The following GOLGA3 variants were observed in gnomAD, a reference collection of about 807,000 sequenced individuals.
The protein encoded by GOLGA3 is golgin subfamily A member 3.
In GOLGA3, 75 loss-of-function variants were observed where a neutral mutation model predicts 169.4. That is an observed-to-expected ratio of 0.44 (90% CI 0.37 to 0.54). The LOEUF (loss-of-function observed/expected upper bound fraction) is 0.54. Ranked by LOEUF, GOLGA3 falls within the 20% of genes least tolerant of loss-of-function variation. The probability of loss-of-function intolerance (pLI) is 0.00; values close to 1 mark genes in which losing one functional copy is unlikely to be tolerated. For synonymous variants in GOLGA3, 824 were observed against 822.4 expected, an observed-to-expected ratio of 1.00 and a Z score of -0.03; for missense variants, 1,899 against 1,930.0, an observed-to-expected ratio of 0.98 and a Z score of 0.30.
At chr12:132,783,980 G>A in intron 16 of GOLGA3, 184 bp downstream of exon 16, 1 of 1,486,070 alleles carries the variant, frequency 6.7e-7, no homozygotes, top group Non-Finnish European at 8.9e-7. Flanking sequence ...CCTCCCCAGA[G>A]GGCTGGAATC....
At chr12:132,779,249 T>C (rs891608182) in intron 18 of GOLGA3, among the ~76,000 whole-genome samples, 9 of 152,050 alleles carry the variant, frequency 5.9e-5, no homozygotes, top group African/African-American at 2.2e-4. Flanking sequence ...CAGGCTAATT[T>C]TGTATTCATA....
At chr12:132,794,232 C>T (rs961200366) in intron 11 of GOLGA3, among the ~76,000 whole-genome samples, 3 of 152,006 alleles carry the variant, frequency 2.0e-5, no homozygotes, top group Admixed American at 6.6e-5. Flanking sequence ...CAGTGGCTCA[C>T]GCCTGTAATC....
chr12:132,782,244 G>A, intron 17 of GOLGA3, 52 bp downstream of exon 17: 1 of 1,437,316 alleles, frequency 7.0e-7, no homozygotes. Flanking sequence ...AGTGCGCACA[G>A]CCCCACCAAC....
rs776213062 is a variant in GOLGA3 at position 132,789,053 on chromosome 12, G to C, written c.2785C>G (p.Arg929Gly). ...TGCAAGTGTGTTTCCATCTCGTCTC[G>C]CTCCTTCTGCGCCGACTGGAGATGC... ...EGHLQSAQKE[R>G]DEMETHLQSL... The change falls in exon 13 of 24, where the codon CGA becomes GGA. Residue 929 changes from arginine to glycine, a missense_variant. Physicochemically the swap from Arg to Gly is moderately radical, Grantham distance 125. Coordinates refer to ENST00000450791, the MANE Select transcript of GOLGA3 (RefSeq NM_001389683.1). The C allele has an allele frequency of 4.7e-5, 75 of 1,589,394 alleles. No homozygotes were observed. The Admixed American group carries it at 1.3e-3, about 27-fold the overall frequency.
chr12:132,782,273 G>A (rs539934913), intron 17 of GOLGA3, 23 bp downstream of exon 17: 8 of 1,590,236 alleles, frequency 5.0e-6, no homozygotes, highest in South Asian at 2.2e-5. Flanking sequence ...CGTTGCTGGC[G>A]TGAGTTTGAC....
rs144738429 is a variant in GOLGA3, at chr12:132,827,255, T to C, written c.-184+1548A>G. Among the ~76,000 whole-genome samples, 667 of 152,256 alleles carry C rather than the reference T, an allele frequency of 4.4e-3. 2 individuals carry two copies. Among genetic ancestry groups the C allele is most frequent in the African/African-American group, 0.015 (628 of 41,542 alleles). On this transcript the variant is annotated intron_variant, in intron 1 of 23. Coordinates refer to ENST00000450791, the MANE Select transcript of GOLGA3 (RefSeq NM_001389683.1). ...AAAGAGTACCTGGTGGAGGCCACAC[T>C]AGTATCCAAAAGTAAACACAGATCT...
chr12:132,779,814 TGC>T (rs1222622426), intron 18 of GOLGA3, among the ~76,000 whole-genome samples: 1 of 84,572 alleles, frequency 1.2e-5, no homozygotes, highest in Non-Finnish European at 2.3e-5. Flanking sequence ...CACACGTGTG[TGC>T]ACACACACCA....
At chr12:132,794,827 A>G (rs1198512422) in intron 11 of GOLGA3, among the ~76,000 whole-genome samples, 1 of 152,226 alleles carries the variant, frequency 6.6e-6, no homozygotes, top group African/African-American at 2.4e-5. Context: ...CAGTGTTTGT[A>G]GTGACAGCTT....
intron 1 of GOLGA3, among the ~76,000 whole-genome samples, chr12:132,826,966 C>G (rs915964299): frequency 6.6e-6 from 1 of 152,214 alleles, no homozygotes; most frequent in Non-Finnish European, 1.5e-5. Flanking sequence ...ACTCCTGCGT[C>G]TCTAGAGAGA....
Position 132,808,109 on chromosome 12 carries a change from G to A in GOLGA3, c.960C>T (p.Tyr320=). Residue 320 remains tyrosine (Y), a synonymous_variant, in exon 5 of 24, where the codon TAC becomes TAT. Coordinates refer to ENST00000450791, the MANE Select transcript of GOLGA3 (RefSeq NM_001389683.1). ...VDGNDSDSSS[Y]SSASTRGTYG... ...AGGTCCCTCGGGTGGAGGCGCTGCT[G>A]TACGATGAGCTGTCGCTGTCATTTC... The A allele has an allele frequency of 1.2e-6, 2 of 1,602,626 alleles. No homozygotes were observed. Among genetic ancestry groups the A allele is most frequent in the South Asian group, 1.1e-5 (1 of 89,488 alleles).
chr12:132,775,785 C>G (rs1022465760), intron 21 of GOLGA3, among the ~76,000 whole-genome samples: 7 of 152,220 alleles, frequency 4.6e-5, no homozygotes, highest in Non-Finnish European at 1.0e-4. Flanking sequence ...GTAACTCAAG[C>G]CCCTCATTTA....
At chr12:132,816,009 T>C (rs1040386207) in intron 3 of GOLGA3, among the ~76,000 whole-genome samples, 1 of 152,160 alleles carries the variant, frequency 6.6e-6, no homozygotes, top group African/African-American at 2.4e-5. Context: ...CCATCTTGAC[T>C]AACACGGTGA....
Position 132,808,342 on chromosome 12 carries a change from T to C in GOLGA3, c.727A>G (p.Ile243Val), listed in dbSNP as rs1206368252. ...GTTCTGTAATCGGCCAGAGACCGGA[T>C]TTTGCTTGATTTGGAAGTTTTTTTC... ...REKKTSKSSK[I>V]RSLADYRTED... The change falls in exon 5 of 24, where the codon ATC becomes GTC. Residue 243 changes from isoleucine (I) to valine (V), a missense_variant. Physicochemically the swap from Ile to Val is conservative, Grantham distance 29. Transcript: ENST00000450791. 2 of 1,613,872 alleles carry C rather than the reference T, an allele frequency of 1.2e-6. No individual in the cohort carries two copies. The highest frequency in any genetic ancestry group is 1.7e-5 in the Admixed American group (1 of 59,980).
intron 11 of GOLGA3, among the ~76,000 whole-genome samples, chr12:132,794,834 G>A (rs769416073): frequency 6.6e-5 from 10 of 152,188 alleles, no homozygotes; most frequent in Non-Finnish European, 1.2e-4. Context: ...TGTAGTGACA[G>A]CTTCCTTCAG....
At chr12:132,824,656 T>G (rs977758357) in intron 1 of GOLGA3, among the ~76,000 whole-genome samples, 2 of 152,206 alleles carry the variant, frequency 1.3e-5, no homozygotes, top group Non-Finnish European at 2.9e-5. Flanking sequence ...GCTAATCCTG[T>G]GTGCAACGAA....
intron 9 of GOLGA3, among the ~76,000 whole-genome samples, 184 bp downstream of exon 9, chr12:132,798,156 C>G (rs1198493371): frequency 9.9e-6 from 1 of 100,666 alleles, no homozygotes; most frequent in South Asian, 3.7e-4. Context: ...CATGCTAAGC[C>G]CCCACAGGTG....
Position 132,777,078 on chromosome 12 carries a change from C to T in GOLGA3, c.3735G>A (p.Gly1245=), listed in dbSNP as rs1207911127. 1 of 1,595,694 alleles carries T rather than the reference C, an allele frequency of 6.3e-7. No homozygotes were observed. Among genetic ancestry groups the T allele is most frequent in the East Asian group, 2.2e-5 (1 of 44,708 alleles). ...ACTGTGCTATCTCCTGGGAATGTTT[C>T]CCCTCCCGAATCCTAGCGTAAAAAA... ...AEADDLQIRE[G]KHSQEIAQFQ... Residue 1245 remains glycine (G), a synonymous_variant, in exon 20 of 24, where the codon GGG becomes GGA. Coordinates refer to ENST00000450791, the MANE Select transcript of GOLGA3 (RefSeq NM_001389683.1). This position sits in a 1 kb window ranked among gnomAD's most constrained non-coding sequence, Gnocchi z 4.7.
At chr12:132,812,288 G>A (rs1385118998) in intron 4 of GOLGA3, among the ~76,000 whole-genome samples, 3 of 151,846 alleles carry the variant, frequency 2.0e-5, no homozygotes, top group African/African-American at 7.3e-5. Flanking sequence ...GATGGGAGAT[G>A]TACAAGGAGG....
At chr12:132,822,491 C>A (rs1950258923) in intron 1 of GOLGA3, among the ~76,000 whole-genome samples, 180 bp from the exon 2 acceptor site, 1 of 152,254 alleles carries the variant, frequency 6.6e-6, no homozygotes, top group African/African-American at 2.4e-5. Flanking sequence ...GATGCTGACC[C>A]AGCCACACTG....
Sources: gnomAD v4.1 joint callset for allele counts (sites outside exome capture counted in the v4.1 genomes callset) on GRCh38, gnomAD v4.1.1 for gene constraint, Gnocchi (gnomAD v3.1) non-coding constraint, MANE v1.5 for transcripts, NCBI Gene and HGNC (gene_info 2026-07-23, HGNC 2026-07-21) for gene names.